Variants in SNED1 observed in about 807,000 individuals in gnomAD.
SNED1 encodes the protein sushi, nidogen and EGF-like domain-containing protein 1.
In SNED1, 81 loss-of-function variants were observed where a neutral mutation model predicts 166.7. The observed-to-expected ratio is 0.49, with a 90% confidence interval of 0.41 to 0.58. The LOEUF (loss-of-function observed/expected upper bound fraction) is 0.58, where lower values mean the gene tolerates loss of function less well. Among genes scored for constraint, SNED1 ranks in the 20% least tolerant of loss-of-function variants. The pLI is 0.00. For synonymous variants in SNED1, 762 were observed against 822.0 expected (o/e 0.93, Z 1.25); for missense variants, 1,604 against 2,000.2 (o/e 0.80, Z 3.78).
Position 241,094,515 on chromosome 2 carries a change from G to T in SNED1, c.*2879G>T. ...TCACACCTACCAGGGGTATTCCAGT[G>T]CATAGGGGAAAGGAACCCGGCTGAA... is the stretch of plus-strand genomic sequence containing the variant. On this transcript the variant is annotated 3_prime_UTR_variant, in exon 32 of 32. Coordinates refer to ENST00000310397, the MANE Select transcript of SNED1 (RefSeq NM_001080437.3). The surrounding 1 kb of genome is among the most constrained non-coding windows in gnomAD (Gnocchi z 4.3). The T allele has an allele frequency of 2.5e-6, 1 of 396,148 alleles. No homozygotes were observed. The highest frequency in any genetic ancestry group is 5.2e-6 in the Non-Finnish European group (1 of 193,636). 24.5% of individuals were successfully genotyped at this position (396,148 alleles called of 1,614,324 possible). A position where few individuals can be genotyped will look rare whatever the true frequency, so the allele number is the denominator to read the frequency against.
intron 12 of SNED1, 87 bp downstream of exon 12, chr2:241,050,020 C>T: frequency 2.0e-6 from 2 of 993,834 alleles, no homozygotes; most frequent in South Asian, 1.3e-5. Context: ...TGTCTCTCTC[C>T]TTGTTTCGCG....
At chr2:241,008,894 C>A (rs759976814) in intron 1 of SNED1, among the ~76,000 whole-genome samples, 1 of 152,234 alleles carries the variant, frequency 6.6e-6, no homozygotes, top group Non-Finnish European at 1.5e-5. Context: ...CTGAGCTTGT[C>A]CAGGAGCTTG....
Position 241,091,070 on chromosome 2 carries a change from A to C in SNED1, c.*2-568A>C, listed in dbSNP as rs186388924. Among the ~76,000 whole-genome samples, 136 of 152,270 alleles carry C rather than the reference A, an allele frequency of 8.9e-4. No individual in the cohort carries two copies. Among genetic ancestry groups the C allele is most frequent in the Middle Eastern group, 3.4e-3 (1 of 294 alleles). ...ACCTGAAATATTAATGTATCTTTTTAAATGCTTGCCTAGCACATCCACTCC... is the reference window on the plus strand; with the variant it reads ...ACCTGAAATATTAATGTATCTTTTTCAATGCTTGCCTAGCACATCCACTCC... On this transcript the variant is annotated intron_variant, in intron 31 of 31. Transcript: ENST00000310397. This position sits in a 1 kb window ranked among gnomAD's most constrained non-coding sequence, Gnocchi z 4.1.
intron 16 of SNED1, among the ~76,000 whole-genome samples, chr2:241,058,999 G>GA (rs1559278098): frequency 2.0e-5 from 3 of 151,684 alleles, no homozygotes; most frequent in African/African-American, 7.3e-5. Flanking sequence ...GACTGATCAG[G>GA]AAAAAAAGAG....
At chr2:241,061,950 C>G (rs961207687) in intron 16 of SNED1, among the ~76,000 whole-genome samples, 1 of 152,016 alleles carries the variant, frequency 6.6e-6, no homozygotes, top group Non-Finnish European at 1.5e-5. Flanking sequence ...TATGATATAA[C>G]CACACTGTGT....
chr2:241,042,309 G>A (rs1296178394), intron 8 of SNED1, among the ~76,000 whole-genome samples: 1 of 152,204 alleles, frequency 6.6e-6, no homozygotes, highest in Non-Finnish European at 1.5e-5. Flanking sequence ...AGAGTCCTCA[G>A]TGGGGTGTCA....
Position 241,051,661 on chromosome 2 carries a change from T to C in SNED1, c.1736-83T>C. ...GAAGGCCCCACCAGCACCAGAGGAC[T>C]GAGGAGATGCCAGGAGGGTATAGTG... On this transcript the variant is annotated intron_variant, in intron 12 of 31. Coordinates refer to ENST00000310397, the MANE Select transcript of SNED1 (RefSeq NM_001080437.3). This position sits in a 1 kb window ranked among gnomAD's most constrained non-coding sequence, Gnocchi z 4.7. The C allele has an allele frequency of 3.5e-6, 4 of 1,133,086 alleles. No individual in the cohort carries two copies. Among genetic ancestry groups the C allele is most frequent in the South Asian group, 1.7e-5 (1 of 59,300 alleles). 70.2% of individuals were successfully genotyped at this position (1,133,086 alleles called of 1,614,324 possible).
chr2:241,047,585 T>C (rs1292571939), intron 8 of SNED1, among the ~76,000 whole-genome samples: 4 of 152,210 alleles, frequency 2.6e-5, no homozygotes, highest in Non-Finnish European at 4.4e-5. Flanking sequence ...TTGAAAAGGA[T>C]TGTGTTTTCT....
At chr2:241,081,618 C>T (rs2125303451) in intron 27 of SNED1, 59 bp from the exon 28 acceptor site, 1 of 1,268,142 alleles carries the variant, frequency 7.9e-7, no homozygotes, top group South Asian at 1.3e-5. Context: ...GCAACATGTC[C>T]ATGAGGCAGG....
chr2:241,040,460 G>C, intron 8 of SNED1, 47 bp downstream of exon 8: 4 of 1,290,730 alleles, frequency 3.1e-6, no homozygotes, highest in Non-Finnish European at 4.3e-6. Flanking sequence ...TGGTGGCTTT[G>C]TGCCGTGAAC....
chr2:241,011,499 G>A (rs1013584732), intron 1 of SNED1, among the ~76,000 whole-genome samples: 18 of 152,328 alleles, frequency 1.2e-4, no homozygotes, highest in African/African-American at 3.4e-4. Flanking sequence ...GACTAAACCC[G>A]CACTGTTCCT....
At chr2:241,072,465 G>A in intron 26 of SNED1, 1 of 354,118 alleles carries the variant, frequency 2.8e-6, no homozygotes, top group Non-Finnish European at 5.6e-6. Context: ...GCCCCAGAGG[G>A]GACCTCTCTG....
chr2:241,048,768 T>G lies in SNED1; in HGVS notation c.1504+2T>G, dbSNP rs76361683. 2 of 1,605,620 alleles carry G rather than the reference T, an allele frequency of 1.2e-6. No homozygotes were observed. The highest frequency in any genetic ancestry group is 2.7e-5 in the African/African-American group (2 of 74,792). On this transcript the variant is annotated splice_donor_variant, in intron 10 of 31. Transcript: ENST00000310397. LOFTEE classifies it high-confidence loss of function. ...TCTTTGGGCTTCTCTGTGAATTTGG[T>G]AGGTGCCCAGGTCACCCTTCCTGCC...
At position 241,064,749 on chromosome 2, in the gene SNED1, G is replaced by A. The variant is rs920402436; in HGVS notation, c.2600-95G>A. 6 of 844,214 alleles carry A rather than the reference G, an allele frequency of 7.1e-6. No homozygotes were observed. Among genetic ancestry groups the A allele is most frequent in the Admixed American group, 3.4e-5 (1 of 29,618 alleles). The allele number at this position is 844,214 out of a possible 1,614,324, so 52.3% of individuals were successfully genotyped here. A position where few individuals can be genotyped will look rare whatever the true frequency, so the allele number is the denominator to read the frequency against. Reference sequence around the variant, plus strand: ...GTGCCCCCCGCCCCTCCACACCCACGCAGGAGGGACCCAGTGCCCCAGGAG... The same window carrying A: ...GTGCCCCCCGCCCCTCCACACCCACACAGGAGGGACCCAGTGCCCCAGGAG... On this transcript the variant is annotated intron_variant, in intron 19 of 31. Coordinates refer to ENST00000310397, the MANE Select transcript of SNED1 (RefSeq NM_001080437.3). This position sits in a 1 kb window ranked among gnomAD's most constrained non-coding sequence, Gnocchi z 7.0.
chr2:241,042,855 A>G (rs2061554364), intron 8 of SNED1, among the ~76,000 whole-genome samples: 1 of 152,266 alleles, frequency 6.6e-6, no homozygotes, highest in Non-Finnish European at 1.5e-5. Context: ...AGAGATCTTC[A>G]GCAACCTGCA....
intron 1 of SNED1, among the ~76,000 whole-genome samples, chr2:241,016,945 C>T (rs973435164): frequency 3.3e-5 from 5 of 150,696 alleles, no homozygotes; most frequent in Admixed American, 2.6e-4. Flanking sequence ...CTCTGCCTCC[C>T]GGGTTCAAGC....
chr2:240,998,841 C>T lies in SNED1; in HGVS notation c.4C>T (p.Arg2Trp), dbSNP rs1222227863. The change falls in exon 1 of 32, where the codon CGG becomes TGG. Residue 2 changes from arginine to tryptophan, a missense_variant. Transcript: ENST00000310397. Reference protein sequence around the residue: MRHGVAWALLVA... With the variant: MWHGVAWALLVA... ...GTCCCGCCCGCACACCTCCGCGATG[C>T]GGCACGGCGTCGCCTGGGCGCTGCT... 1 of 1,201,064 alleles carries T rather than the reference C, an allele frequency of 8.3e-7. No homozygotes were observed. Among genetic ancestry groups the T allele is most frequent in the Non-Finnish European group, 1.0e-6 (1 of 969,474 alleles). The allele number at this position is 1,201,064 out of a possible 1,614,324, so 74.4% of individuals were successfully genotyped here.
intron 21 of SNED1, among the ~76,000 whole-genome samples, chr2:241,066,622 C>A (rs924512866): frequency 1.8e-5 from 2 of 113,964 alleles, no homozygotes; most frequent in Non-Finnish European, 2.1e-5. Flanking sequence ...TGCGAAGTGG[C>A]GTGATGGATG....
Position 241,068,925 on chromosome 2 carries a change from G to T in SNED1, c.3209G>T (p.Gly1070Val), listed in dbSNP as rs1342908146. The change falls in exon 23 of 32, where the codon GGG becomes GTG. Residue 1070 changes from glycine (G) to valine (V), a missense_variant. Around this residue, in one of 2 missense-constraint regions of SNED1, gnomAD observed 1,237 missense variants for 1,620.8 expected, o/e 0.76. Coordinates refer to ENST00000310397, the MANE Select transcript of SNED1 (RefSeq NM_001080437.3). The surrounding 1 kb of genome is among the most constrained non-coding windows in gnomAD (Gnocchi z 5.3). ...CCTGCCCACAGGGCCCTGCTGCCTG[G>T]GAAGAGGTACACCATCCAGCTGACC... is the stretch of plus-strand genomic sequence containing the variant. ...DRFTFRALLP[G>V]KRYTIQLTTL... The T allele has an allele frequency of 6.4e-7, 1 of 1,552,302 alleles. No individual in the cohort carries two copies. Among genetic ancestry groups the T allele is most frequent in the Non-Finnish European group, 8.7e-7 (1 of 1,147,790 alleles).
Sources: allele counts gnomAD v4.1 joint callset (sites outside exome capture counted in the v4.1 genomes callset), GRCh38; gene constraint gnomAD v4.1.1; regional missense constraint gnomAD v4.1.1; non-coding constraint Gnocchi (gnomAD v3.1); transcripts MANE v1.5; gene names NCBI Gene and HGNC (gene_info 2026-07-23, HGNC 2026-07-21).